Variants in GRIK1 observed in about 807,000 individuals in gnomAD.
GRIK1 encodes glutamate ionotropic receptor kainate type subunit 1, also known as glutamate receptor ionotropic, kainate 1.
GRIK1 carries 69 observed loss-of-function variants against 105.7 expected under a neutral mutation model. The ratio of observed to expected loss-of-function variants is 0.65; its 90% confidence interval spans 0.54 to 0.80. The LOEUF (loss-of-function observed/expected upper bound fraction) is 0.80, where lower values mean the gene tolerates loss of function less well. Among genes scored for constraint, GRIK1 ranks in the 30% least tolerant of loss-of-function variants. The pLI is 0.00. For synonymous variants in GRIK1, 438 were observed against 431.3 expected (o/e 1.02, Z -0.19); for missense variants, 1,109 against 1,167.3 (o/e 0.95, Z 0.73).
intron 1 of GRIK1, among the ~76,000 whole-genome samples, chr21:29,812,289 T>C (rs944396907): frequency 2.6e-5 from 4 of 152,134 alleles, no homozygotes; most frequent in Non-Finnish European, 5.9e-5. Flanking sequence ...AAGACAGGCA[T>C]GGTGCTGTGG....
At chr21:29,685,207 C>T (rs189189563) in intron 3 of GRIK1, among the ~76,000 whole-genome samples, 633 of 152,220 alleles carry the variant, frequency 4.2e-3, no homozygotes, top group Non-Finnish European at 6.7e-3. Context: ...TTTCAAACAA[C>T]GTATTGCAGA....
At chr21:29,593,841 A>T (rs1395117698) in intron 9 of GRIK1, among the ~76,000 whole-genome samples, 1 of 152,174 alleles carries the variant, frequency 6.6e-6, no homozygotes, top group Non-Finnish European at 1.5e-5. Flanking sequence ...TAAAACTTGA[A>T]CTTGTAGACA....
In GRIK1 at chr21:29,654,834, G is replaced by T; in HGVS notation, c.756C>A (p.Tyr252Ter). The T allele has an allele frequency of 6.3e-7, 1 of 1,587,260 alleles. No individual in the cohort carries two copies. The highest frequency in any genetic ancestry group is 8.7e-7 in the Non-Finnish European group (1 of 1,155,458). ...QILFMGMMTEYYHYFFTTLDL... is the reference protein window; with the variant it reads ...QILFMGMMTE ...CCAGGGTTGTGAAAAAGTAGTGATA[G>T]TACTCGGTCATCATGCCCATGAACA... Residue 252 changes from tyrosine to a stop codon, truncating the protein, a stop_gained, in exon 5 of 18, where the codon TAC becomes TAA. Coordinates refer to ENST00000327783, the MANE Select transcript of GRIK1 (RefSeq NM_001330994.2). LOFTEE classifies it high-confidence loss of function.
At chr21:29,767,188 A>G (rs1168114457) in intron 1 of GRIK1, among the ~76,000 whole-genome samples, 1 of 152,224 alleles carries the variant, frequency 6.6e-6, no homozygotes. Context: ...CTGAATATTA[A>G]TGCATCATAA....
At chr21:29,756,314 G>A (rs976289251) in intron 1 of GRIK1, among the ~76,000 whole-genome samples, 2 of 152,180 alleles carry the variant, frequency 1.3e-5, no homozygotes, top group Non-Finnish European at 2.9e-5. Flanking sequence ...CGGGGAGGCA[G>A]AGCTTGCAGT....
chr21:29,688,346 A>C (rs2063523059), intron 3 of GRIK1, among the ~76,000 whole-genome samples: 2 of 152,232 alleles, frequency 1.3e-5, no homozygotes, highest in Non-Finnish European at 2.9e-5. Context: ...AAGAGGAGGC[A>C]CATATTCATC....
intron 1 of GRIK1, among the ~76,000 whole-genome samples, chr21:29,779,095 A>G (rs1055100885): frequency 6.6e-6 from 1 of 152,220 alleles, no homozygotes; most frequent in Non-Finnish European, 1.5e-5. Context: ...GGGCAAGCTC[A>G]GCTTAAGGAT....
intron 1 of GRIK1, among the ~76,000 whole-genome samples, chr21:29,833,079 T>C (rs1336376157): frequency 2.0e-5 from 3 of 152,166 alleles, no homozygotes; most frequent in Non-Finnish European, 4.4e-5. Flanking sequence ...ATCTCTAGGG[T>C]AGGGGCACAA....
intron 8 of GRIK1, among the ~76,000 whole-genome samples, chr21:29,598,048 T>C (rs1472706256): frequency 6.6e-6 from 1 of 152,206 alleles, no homozygotes; most frequent in African/African-American, 2.4e-5. Context: ...TTGAGGTGAT[T>C]GCTTTGGGGG....
At chr21:29,865,061 G>T (rs566045310) in intron 1 of GRIK1, among the ~76,000 whole-genome samples, 2 of 152,282 alleles carry the variant, frequency 1.3e-5, no homozygotes, top group African/African-American at 4.8e-5. Flanking sequence ...GAGTGATCAG[G>T]AAGTAAGTTC....
At chr21:29,575,116 T>C (rs187188226) in intron 14 of GRIK1, among the ~76,000 whole-genome samples, 1 of 152,346 alleles carries the variant, frequency 6.6e-6, no homozygotes, top group Admixed American at 6.5e-5. Context: ...ATAGTTAACT[T>C]TTAAAACAAT....
intron 1 of GRIK1, among the ~76,000 whole-genome samples, chr21:29,796,602 C>A (rs1349014108): frequency 6.6e-6 from 1 of 151,842 alleles, no homozygotes; most frequent in Non-Finnish European, 1.5e-5. Flanking sequence ...CTGTTTTTTT[C>A]TTGGTTTCCA....
intron 1 of GRIK1, among the ~76,000 whole-genome samples, chr21:29,766,015 C>G (rs1023686650): frequency 3.3e-5 from 5 of 152,016 alleles, no homozygotes; most frequent in African/African-American, 1.2e-4. Context: ...CCACGCCCGG[C>G]TAATTTTTTG....
chr21:29,772,479 T>C (rs577797301), intron 1 of GRIK1, among the ~76,000 whole-genome samples: 1 of 152,282 alleles, frequency 6.6e-6, no homozygotes, highest in African/African-American at 2.4e-5. Context: ...GAACCAAAAA[T>C]CAATAGCAAA....
At chr21:29,890,767 A>G (rs1251272642) in intron 1 of GRIK1, among the ~76,000 whole-genome samples, 2 of 152,178 alleles carry the variant, frequency 1.3e-5, no homozygotes, top group East Asian at 3.8e-4. Context: ...ACAGAGAAAC[A>G]CACATACATA....
intron 4 of GRIK1, among the ~76,000 whole-genome samples, chr21:29,663,750 G>A (rs2146609228): frequency 6.6e-6 from 1 of 152,272 alleles, no homozygotes; most frequent in East Asian, 1.9e-4. Context: ...TAAGAAATGT[G>A]TCCTTTATTC....
intron 8 of GRIK1, among the ~76,000 whole-genome samples, chr21:29,598,467 A>G (rs1031471274): frequency 6.6e-6 from 1 of 152,232 alleles, no homozygotes; most frequent in Admixed American, 6.5e-5. Flanking sequence ...ATGCCATTCC[A>G]TCGATAAACC....
intron 1 of GRIK1, among the ~76,000 whole-genome samples, chr21:29,878,790 A>T (rs935295983): frequency 6.6e-6 from 1 of 152,126 alleles, no homozygotes; most frequent in African/African-American, 2.4e-5. Context: ...CCAGTCACCA[A>T]ATCTGCCAGC....
At chr21:29,756,894 G>A (rs888402750) in intron 1 of GRIK1, among the ~76,000 whole-genome samples, 2 of 152,108 alleles carry the variant, frequency 1.3e-5, no homozygotes, top group Non-Finnish European at 1.5e-5. Flanking sequence ...TGGGCGGATC[G>A]TCTGAGCTCA....
Sources: allele counts gnomAD v4.1 joint callset (sites outside exome capture counted in the v4.1 genomes callset), GRCh38; gene constraint gnomAD v4.1.1; transcripts MANE v1.5; gene names NCBI Gene and HGNC (gene_info 2026-07-23, HGNC 2026-07-21).